Variants in ACYP2 observed in about 807,000 individuals in gnomAD.
The protein encoded by ACYP2 is acylphosphatase-2.
A neutral mutation model predicts 11.2 loss-of-function variants in ACYP2; 12 were observed. The observed-to-expected ratio is 1.08, with a 90% confidence interval of 0.69 to 1.74. ACYP2 has a LOEUF of 1.74. ACYP2 is among the 40% of genes most tolerant of loss of function. The probability of loss-of-function intolerance (pLI) is 0.00; values close to 1 mark genes in which losing one functional copy is unlikely to be tolerated. For synonymous variants in ACYP2, 43 were observed against 32.2 expected (o/e 1.33, Z -1.13); for missense variants, 134 against 101.9 (o/e 1.31, Z -1.35).
At chr2:54,146,415 A>C (rs1384337369) in intron 6 of ACYP2, among the ~76,000 whole-genome samples, 1 of 149,246 alleles carries the variant, frequency 6.7e-6, no homozygotes, top group Non-Finnish European at 1.5e-5. Flanking sequence ...TTCTTTTAGA[A>C]CTTCTGTATG....
At chr2:54,159,758 T>TG (rs1682624279) in intron 6 of ACYP2, among the ~76,000 whole-genome samples, 2 of 152,020 alleles carry the variant, frequency 1.3e-5, no homozygotes, top group African/African-American at 4.8e-5. Context: ...CCTCCTGCCT[T>TG]GGGGAACAGG....
At chr2:54,274,975 A>G (rs1688484323) in intron 6 of ACYP2, among the ~76,000 whole-genome samples, 2 of 152,234 alleles carry the variant, frequency 1.3e-5, no homozygotes, top group South Asian at 4.1e-4. Flanking sequence ...ATAGCTCAAA[A>G]TACTCAGTTC....
At chr2:54,218,342 T>G (rs554246501) in intron 6 of ACYP2, among the ~76,000 whole-genome samples, 1 of 152,322 alleles carries the variant, frequency 6.6e-6, no homozygotes, top group South Asian at 2.1e-4. Context: ...GTGTGCTACA[T>G]ATATATTGTA....
chr2:54,295,363 A>G (rs1436379798), intron 6 of ACYP2, among the ~76,000 whole-genome samples: 1 of 152,252 alleles, frequency 6.6e-6, no homozygotes, highest in Non-Finnish European at 1.5e-5. Context: ...AGGGACTACC[A>G]TGAGTAAAAT....
At chr2:54,209,018 CTG>C (rs969362975) in intron 6 of ACYP2, among the ~76,000 whole-genome samples, 1 of 137,398 alleles carries the variant, frequency 7.3e-6, no homozygotes, top group Non-Finnish European at 1.6e-5. Flanking sequence ...ACTTTTAAAA[CTG>C]TTTATTTTTA....
intron 6 of ACYP2, among the ~76,000 whole-genome samples, chr2:54,291,164 G>A (rs1158376022): frequency 1.3e-5 from 2 of 152,142 alleles, no homozygotes; most frequent in Non-Finnish European, 2.9e-5. Context: ...ACAGCATTTG[G>A]ACACTGACTG....
At chr2:54,280,040 A>G (rs774289925) in intron 6 of ACYP2, among the ~76,000 whole-genome samples, 44 of 152,272 alleles carry the variant, frequency 2.9e-4, no homozygotes, top group Middle Eastern at 3.4e-3. Context: ...CCTGACCAAG[A>G]CCCACCACTG....
chr2:54,193,009 C>G (rs1170210191), intron 6 of ACYP2, among the ~76,000 whole-genome samples: 1 of 152,158 alleles, frequency 6.6e-6, no homozygotes. Context: ...GACACAGAGC[C>G]AAACCATATC....
At chr2:54,217,514 ACACCACTGTCC>A (rs1049270196) in intron 6 of ACYP2, among the ~76,000 whole-genome samples, 1 of 150,912 alleles carries the variant, frequency 6.6e-6, no homozygotes, top group Non-Finnish European at 1.5e-5. Flanking sequence ...CCACAGGTGC[ACACCACTGTCC>A]CTGGCTATTT....
chr2:54,180,601 C>T (rs1683661861), intron 6 of ACYP2, among the ~76,000 whole-genome samples: 1 of 152,104 alleles, frequency 6.6e-6, no homozygotes, highest in Non-Finnish European at 1.5e-5. Flanking sequence ...GTCGCCCAGG[C>T]TAAAGTGTGG....
At chr2:54,019,051 T>TA (rs199898843) in intron 2 of ACYP2, among the ~76,000 whole-genome samples, 1,868 of 151,188 alleles carry the variant, frequency 0.012, 35 homozygotes, top group African/African-American at 0.043. Flanking sequence ...GGCCTATTTT[T>TA]TTATTATTAT....
At chr2:54,142,801 A>C (rs773616617) in intron 6 of ACYP2, 1 of 152,166 alleles carries the variant, frequency 6.6e-6, no homozygotes, top group African/African-American at 2.4e-5. Context: ...GAACACACAG[A>C]TGTTGTTCCA....
At chr2:54,255,888 C>T (rs757826734) in intron 6 of ACYP2, 1 of 1,614,078 alleles carries the variant, frequency 6.2e-7, no homozygotes, top group Non-Finnish European at 8.5e-7. Context: ...GAGTCACTTC[C>T]TGCCCCGCTT....
chr2:54,023,127 G>C (rs192813572), intron 2 of ACYP2, among the ~76,000 whole-genome samples: 1 of 152,154 alleles, frequency 6.6e-6, no homozygotes, highest in Non-Finnish European at 1.5e-5. Flanking sequence ...TATACCCAGC[G>C]TGCATAGCCT....
At chr2:54,169,627 G>A (rs1325414879) in intron 6 of ACYP2, among the ~76,000 whole-genome samples, 1 of 152,100 alleles carries the variant, frequency 6.6e-6, no homozygotes. Context: ...CCATATCCAT[G>A]TACTCTAGAC....
chr2:54,244,234 C>T (rs1253277643), intron 6 of ACYP2, among the ~76,000 whole-genome samples: 9 of 152,166 alleles, frequency 5.9e-5, no homozygotes, highest in Non-Finnish European at 1.3e-4. Flanking sequence ...TGGGGCCTCA[C>T]TCTGTCACCC....
intron 2 of ACYP2, among the ~76,000 whole-genome samples, chr2:53,989,836 G>T (rs1672201601): frequency 6.6e-6 from 1 of 152,110 alleles, no homozygotes; most frequent in South Asian, 2.1e-4. Context: ...AAATACTAGA[G>T]ATGTCCTATG....
At chr2:54,278,089 C>T (rs758280551) in intron 6 of ACYP2, among the ~76,000 whole-genome samples, 35 of 152,088 alleles carry the variant, frequency 2.3e-4, no homozygotes, top group African/African-American at 4.6e-4. Flanking sequence ...GCCATTCTCC[C>T]GCCTCAGCCT....
intron 2 of ACYP2, among the ~76,000 whole-genome samples, chr2:54,002,462 C>A (rs1573490457): frequency 6.6e-6 from 1 of 151,586 alleles, no homozygotes; most frequent in South Asian, 2.1e-4. Flanking sequence ...TCTCCTGCCT[C>A]AGCCTCCCTA....
Sources: allele counts gnomAD v4.1 joint callset (sites outside exome capture counted in the v4.1 genomes callset), GRCh38; gene constraint gnomAD v4.1.1; transcripts MANE v1.5; gene names NCBI Gene and HGNC (gene_info 2026-07-23, HGNC 2026-07-21).